LRRTM4: variants seen among roughly 807,000 people sequenced by gnomAD.
The protein encoded by LRRTM4 is leucine rich repeat transmembrane neuronal 4.
In LRRTM4, 25 loss-of-function variants were observed where a neutral mutation model predicts 47.6. The ratio of observed to expected loss-of-function variants is 0.53; its 90% CI spans 0.38 to 0.73. LRRTM4 has a LOEUF of 0.73. LRRTM4 is among the 30% of genes least tolerant of loss of function. LRRTM4 has a pLI of 0.00. For missense variants in LRRTM4, 638 were observed against 713.4 expected (o/e 0.89, Z 1.20); for synonymous variants, 311 against 269.5 (o/e 1.15, Z -1.51).
At chr2:77,072,494 G>T (rs76429054) in intron 3 of LRRTM4, among the ~76,000 whole-genome samples, 2 of 151,854 alleles carry the variant, frequency 1.3e-5, no homozygotes, top group African/African-American at 4.8e-5. Context: ...TACAATCCTG[G>T]GTCACCCAAG....
At chr2:76,983,666 T>C (rs1297175947) in intron 3 of LRRTM4, among the ~76,000 whole-genome samples, 1 of 152,106 alleles carries the variant, frequency 6.6e-6, no homozygotes, top group Non-Finnish European at 1.5e-5. Context: ...GTAATTATAG[T>C]ATTTTTTAAT....
intron 3 of LRRTM4, among the ~76,000 whole-genome samples, chr2:77,285,876 C>A (rs1676641947): frequency 6.6e-6 from 1 of 152,056 alleles, no homozygotes; most frequent in South Asian, 2.1e-4. Flanking sequence ...TAGGACAAGT[C>A]ATATTGGTTA....
At chr2:76,933,659 A>C (rs1202594198) in intron 3 of LRRTM4, among the ~76,000 whole-genome samples, 1 of 152,138 alleles carries the variant, frequency 6.6e-6, no homozygotes, top group African/African-American at 2.4e-5. Context: ...AGCAATTTCC[A>C]TTATATTGAT....
At chr2:76,948,068 C>T (rs532424190) in intron 3 of LRRTM4, among the ~76,000 whole-genome samples, 1 of 151,948 alleles carries the variant, frequency 6.6e-6, no homozygotes, top group South Asian at 2.1e-4. Context: ...AAGAAAGAAG[C>T]TTTGAGTCAA....
At chr2:77,138,510 GA>G (rs1485788800) in intron 3 of LRRTM4, among the ~76,000 whole-genome samples, 1 of 152,068 alleles carries the variant, frequency 6.6e-6, no homozygotes, top group Non-Finnish European at 1.5e-5. Flanking sequence ...ATGCCCACAA[GA>G]AAAAGCAGGA....
chr2:76,786,865 TGCTAATAATA>T (rs959772741), intron 3 of LRRTM4, among the ~76,000 whole-genome samples: 38 of 124,350 alleles, frequency 3.1e-4, no homozygotes, highest in African/African-American at 9.7e-4. Flanking sequence ...CTTTTCTTTG[TGCTAATAATA>T]GCATCAAAAA....
chr2:76,779,224 A>G (rs943611991), intron 3 of LRRTM4, among the ~76,000 whole-genome samples: 1 of 152,176 alleles, frequency 6.6e-6, no homozygotes. Flanking sequence ...GTGCTGAAAA[A>G]AATGTATATT....
chr2:77,324,169 C>T (rs1207974118), intron 3 of LRRTM4, among the ~76,000 whole-genome samples: 1 of 152,086 alleles, frequency 6.6e-6, no homozygotes, highest in Non-Finnish European at 1.5e-5. Flanking sequence ...GGTGTTCTCT[C>T]CCTATCCCAC....
chr2:77,451,303 C>T (rs1398981745), intron 3 of LRRTM4, among the ~76,000 whole-genome samples: 1 of 152,032 alleles, frequency 6.6e-6, no homozygotes, highest in Non-Finnish European at 1.5e-5. Flanking sequence ...TTTTAATTTC[C>T]CACATCACCT....
At chr2:76,751,456 A>C (rs1412049225) in intron 3 of LRRTM4, among the ~76,000 whole-genome samples, 1 of 152,174 alleles carries the variant, frequency 6.6e-6, no homozygotes, top group Non-Finnish European at 1.5e-5. Context: ...ATACTAGGTC[A>C]GAGTTGTGAT....
At chr2:77,091,627 G>A (rs1670644984) in intron 3 of LRRTM4, among the ~76,000 whole-genome samples, 1 of 147,646 alleles carries the variant, frequency 6.8e-6, no homozygotes, top group African/African-American at 2.5e-5. Context: ...TCTCAAACAT[G>A]CTTTCTTTAC....
chr2:76,884,852 C>G lies in LRRTM4; in HGVS notation c.1552-135936G>C, dbSNP rs558565250. Among the ~76,000 whole-genome samples, 46 of 151,914 alleles carry G rather than the reference C, an allele frequency of 3.0e-4. No individual in the cohort carries two copies. The South Asian group carries it at 9.4e-3, about 31-fold the overall frequency. On this transcript the variant is annotated intron_variant, in intron 3 of 3. Transcript: ENST00000409884. ...ATATTCATCAGTGAAAAAATGTAAA[C>G]AACTTAAATGGCCAAGAGGGTACTT...
intron 3 of LRRTM4, among the ~76,000 whole-genome samples, chr2:76,801,328 G>A (rs1263269033): frequency 2.6e-5 from 4 of 152,152 alleles, no homozygotes; most frequent in African/African-American, 7.2e-5. Flanking sequence ...GGAATACTAT[G>A]CAGCCATAAA....
intron 3 of LRRTM4, among the ~76,000 whole-genome samples, chr2:77,163,440 G>A (rs972242897): frequency 1.3e-5 from 2 of 152,082 alleles, no homozygotes; most frequent in Non-Finnish European, 2.9e-5. Flanking sequence ...AACCTAACAA[G>A]GCAGGCCAAC....
At chr2:77,456,998 G>GTGTA (rs1296360275) in intron 3 of LRRTM4, among the ~76,000 whole-genome samples, 9 of 30,396 alleles carry the variant, frequency 3.0e-4, no homozygotes, top group African/African-American at 1.3e-3. Context: ...GTGTATGTGT[G>GTGTA]TGTGTGTATA....
intron 3 of LRRTM4, among the ~76,000 whole-genome samples, chr2:77,444,977 GAAA>G (rs59871120): frequency 7.3e-6 from 1 of 137,204 alleles, no homozygotes; most frequent in African/African-American, 2.7e-5. Context: ...ACACGATCCG[GAAA>G]AAAAAAAAAA....
chr2:77,069,705 G>A (rs959593786), intron 3 of LRRTM4, among the ~76,000 whole-genome samples: 2 of 150,236 alleles, frequency 1.3e-5, no homozygotes, highest in Non-Finnish European at 3.0e-5. Context: ...CCAGCCACGA[G>A]AGCACAGGGC....
intron 3 of LRRTM4, among the ~76,000 whole-genome samples, chr2:77,197,591 C>A (rs1558629524): frequency 6.6e-6 from 1 of 152,104 alleles, no homozygotes; most frequent in African/African-American, 2.4e-5. Context: ...TATTATACAC[C>A]TAAAATACTA....
At chr2:76,950,638 A>G (rs553295547) in intron 3 of LRRTM4, among the ~76,000 whole-genome samples, 7 of 152,092 alleles carry the variant, frequency 4.6e-5, no homozygotes, top group African/African-American at 1.4e-4. Flanking sequence ...CAGATAATAG[A>G]TTTTACAAAC....
Sources: gnomAD v4.1 joint callset for allele counts (sites outside exome capture counted in the v4.1 genomes callset) on GRCh38, gnomAD v4.1.1 for gene constraint, MANE v1.5 for transcripts, NCBI Gene and HGNC (gene_info 2026-07-23, HGNC 2026-07-21) for gene names.